MAP3K20: variants seen among roughly 807,000 people sequenced by gnomAD.
MAP3K20 encodes mitogen-activated protein kinase kinase kinase 20.
A neutral mutation model predicts 85.7 loss-of-function variants in MAP3K20; 40 were observed. The observed-to-expected ratio is 0.47, with a 90% CI of 0.36 to 0.61. The LOEUF is 0.61. Ranked by LOEUF, MAP3K20 falls within the 20% of genes least tolerant of loss-of-function variation. The pLI is 0.00. For synonymous variants in MAP3K20, 325 were observed against 327.7 expected (o/e 0.99, Z 0.09); for missense variants, 817 against 961.7 (o/e 0.85, Z 1.99).
intron 1 of MAP3K20, among the ~76,000 whole-genome samples, chr2:173,077,373 A>G (rs901344685): frequency 3.7e-5 from 4 of 108,958 alleles, no homozygotes; most frequent in African/African-American, 1.3e-4. Context: ...TTGTTTTTCA[A>G]TTTTCCAAAA....
intron 2 of MAP3K20, among the ~76,000 whole-genome samples, chr2:173,125,167 C>T (rs1402588205): frequency 6.6e-6 from 1 of 152,120 alleles, no homozygotes; most frequent in African/African-American, 2.4e-5. Flanking sequence ...AATGGGTATA[C>T]CATTTTGTCT....
chr2:173,211,282 A>G (rs1683883857), intron 10 of MAP3K20: 1 of 152,114 alleles, frequency 6.6e-6, no homozygotes, highest in South Asian at 2.1e-4. Context: ...AAAGGACCAG[A>G]ATACTTAAGA....
At chr2:173,088,734 T>G (rs1311879802) in intron 1 of MAP3K20, among the ~76,000 whole-genome samples, 1 of 152,216 alleles carries the variant, frequency 6.6e-6, no homozygotes, top group Non-Finnish European at 1.5e-5. Flanking sequence ...TTGAACAAAC[T>G]TTTTAGCTTG....
intron 1 of MAP3K20, among the ~76,000 whole-genome samples, chr2:173,081,013 GT>G (rs1353132715): frequency 6.6e-6 from 1 of 152,114 alleles, no homozygotes; most frequent in Non-Finnish European, 1.5e-5. Context: ...ATAAATGAAT[GT>G]TTTCCTTCAA....
chr2:173,262,080 C>T (rs1377071550), intron 18 of MAP3K20, among the ~76,000 whole-genome samples: 5 of 151,924 alleles, frequency 3.3e-5, no homozygotes, highest in African/African-American at 4.8e-5. Flanking sequence ...GAAGAATAGG[C>T]TCAGAGAGAT....
intron 4 of MAP3K20, among the ~76,000 whole-genome samples, chr2:173,184,037 T>TCTA (rs1031598701): frequency 7.2e-5 from 11 of 152,204 alleles, no homozygotes; most frequent in African/African-American, 2.2e-4. Context: ...AAGCTCTGTG[T>TCTA]TTAGGGTGGT....
At chr2:173,093,033 C>G (rs996710920) in intron 2 of MAP3K20, among the ~76,000 whole-genome samples, 4 of 152,100 alleles carry the variant, frequency 2.6e-5, no homozygotes, top group Non-Finnish European at 5.9e-5. Flanking sequence ...GGGGCTTAGT[C>G]AGTGATTATG....
intron 3 of MAP3K20, among the ~76,000 whole-genome samples, chr2:173,171,697 C>T (rs2106252335): frequency 6.6e-6 from 1 of 152,336 alleles, no homozygotes; most frequent in East Asian, 1.9e-4. Flanking sequence ...TTAGCATTCT[C>T]TACTCATACT....
chr2:173,098,821 C>CA (rs150909706), intron 2 of MAP3K20, among the ~76,000 whole-genome samples: 2,369 of 152,284 alleles, frequency 0.016, 59 homozygotes, highest in African/African-American at 0.054. Flanking sequence ...GTGGTTCTCT[C>CA]AAAGTGTGGT....
intron 7 of MAP3K20, among the ~76,000 whole-genome samples, chr2:173,195,188 TAAAA>T (rs34601946): frequency 4.9e-5 from 6 of 122,804 alleles, no homozygotes; most frequent in East Asian, 2.2e-4. Context: ...AGCCTCTCTT[TAAAA>T]AAAAAAAAAA....
At chr2:173,210,536 C>A (rs1254378869) in intron 10 of MAP3K20, 3 of 152,134 alleles carry the variant, frequency 2.0e-5, no homozygotes, top group African/African-American at 7.2e-5. Flanking sequence ...ATCAAAAATA[C>A]TCTTAAAAGA....
chr2:173,150,158 A>G (rs1689260284), intron 2 of MAP3K20, among the ~76,000 whole-genome samples: 1 of 152,244 alleles, frequency 6.6e-6, no homozygotes, highest in Non-Finnish European at 1.5e-5. Flanking sequence ...GGTACGCCAG[A>G]TTCCATATCC....
chr2:173,202,637 GAA>G (rs1281030130), intron 8 of MAP3K20, among the ~76,000 whole-genome samples: 1 of 152,110 alleles, frequency 6.6e-6, no homozygotes, highest in Middle Eastern at 3.2e-3. Flanking sequence ...ATATAAAAGA[GAA>G]ATAAATGAAA....
At position 173,267,360 on chromosome 2, in the gene MAP3K20, T is replaced by C. The variant is rs915200015; in HGVS notation, c.*610T>C. ...TTTTTTTTGGATGTCCCCTTAAATT[T>C]TGTGCCCAAGGCAGGTACCTCACTC... On this transcript the variant is annotated 3_prime_UTR_variant, in exon 20 of 20. Transcript: ENST00000375213. 6.6e-6 allele frequency: 1 copy of C among 152,138 alleles called. No homozygotes were observed. The highest frequency in any genetic ancestry group is 1.5e-5 in the Non-Finnish European group (1 of 68,036). The allele number at this position is 152,138 out of a possible 1,614,324, so 9.4% of individuals were successfully genotyped here. A position where few individuals can be genotyped will look rare whatever the true frequency, so the allele number is the denominator to read the frequency against.
At chr2:173,257,575 C>T (rs1685188935) in intron 16 of MAP3K20, among the ~76,000 whole-genome samples, 1 of 152,200 alleles carries the variant, frequency 6.6e-6, no homozygotes. Context: ...TTTTGATGGA[C>T]ACTTGGCTAG....
chr2:173,100,604 G>A (rs2106159876), intron 2 of MAP3K20, among the ~76,000 whole-genome samples: 1 of 152,062 alleles, frequency 6.6e-6, no homozygotes, highest in South Asian at 2.1e-4. Context: ...TCTTTACCAT[G>A]TCACTGTAAG....
chr2:173,224,673 C>T (rs968815848), intron 11 of MAP3K20: 1 of 985,292 alleles, frequency 1.0e-6, no homozygotes, highest in Non-Finnish European at 1.2e-6. Context: ...TTGATCATTA[C>T]CACGTGACGT....
chr2:173,217,634 G>A (rs1684117834), intron 11 of MAP3K20, among the ~76,000 whole-genome samples: 1 of 152,172 alleles, frequency 6.6e-6, no homozygotes, highest in African/African-American at 2.4e-5. Flanking sequence ...TGTAACTCCA[G>A]CAGCTCACTG....
intron 2 of MAP3K20, among the ~76,000 whole-genome samples, chr2:173,163,496 C>T (rs1410741130): frequency 6.6e-6 from 1 of 152,128 alleles, no homozygotes; most frequent in Non-Finnish European, 1.5e-5. Context: ...CTAGCTCCAT[C>T]CATGTTACTG....
Sources: gnomAD v4.1 joint callset for allele counts (sites outside exome capture counted in the v4.1 genomes callset) on GRCh38, gnomAD v4.1.1 for gene constraint, MANE v1.5 for transcripts, NCBI Gene and HGNC (gene_info 2026-07-23, HGNC 2026-07-21) for gene names.